The following SOX5 variants were observed in gnomAD, a reference collection of about 807,000 sequenced individuals.
SOX5 encodes transcription factor SOX-5.
SOX5 carries 9 observed loss-of-function variants against 92.0 expected under a neutral mutation model. The ratio of observed to expected loss-of-function variants is 0.10; its 90% CI spans 0.06 to 0.17. SOX5 has a LOEUF of 0.17. SOX5 is among the 10% of genes least tolerant of loss of function. The probability of loss-of-function intolerance (pLI) is 1.00; values close to 1 mark genes in which losing one functional copy is unlikely to be tolerated. For synonymous variants in SOX5, 344 were observed against 336.3 expected (o/e 1.02, Z -0.25); for missense variants, 642 against 944.5 (o/e 0.68, Z 4.20).
chr12:24,089,923 A>G (rs1381171161), intron 4 of SOX5, among the ~76,000 whole-genome samples: 2 of 152,200 alleles, frequency 1.3e-5, no homozygotes, highest in East Asian at 1.9e-4. Flanking sequence ...TCCAATTATT[A>G]CACTTATCTC....
At chr12:24,403,076 G>C (rs1596323760) in intron 1 of SOX5, among the ~76,000 whole-genome samples, 1 of 152,258 alleles carries the variant, frequency 6.6e-6, no homozygotes, top group East Asian at 1.9e-4. Flanking sequence ...TGTTATTCAA[G>C]ACATGCTACA....
chr12:24,141,664 A>C lies in SOX5; in HGVS notation c.-2+71679T>G, dbSNP rs563818225. 2.0e-5 allele frequency among the ~76,000 whole-genome samples: 3 copies of C among 152,250 alleles called. No individual in the cohort carries two copies. In the South Asian group the frequency reaches 6.2e-4, roughly 32 times the overall value. On this transcript the variant is annotated intron_variant, in intron 4 of 4. Coordinates refer to the SOX5 transcript ENST00000446891. ...CTTGCACTAGTGGATCCTAATACAC[A>C]CAAATGAAAAGATTTCCCTCTCAAA...
chr12:23,947,883 C>G (rs1304343667), intron 1 of SOX5, among the ~76,000 whole-genome samples: 2 of 151,960 alleles, frequency 1.3e-5, no homozygotes, highest in Non-Finnish European at 2.9e-5. Context: ...ATGTAACTAC[C>G]TTTTTATAAG....
intron 4 of SOX5, among the ~76,000 whole-genome samples, chr12:24,067,521 T>C (rs534529325): frequency 1.5e-4 from 23 of 152,190 alleles, no homozygotes; most frequent in African/African-American, 4.6e-4. Flanking sequence ...TTGCAGATAA[T>C]AGGAAGATGA....
At chr12:24,367,655 T>C (rs1183336805) in intron 2 of SOX5, among the ~76,000 whole-genome samples, 1 of 152,148 alleles carries the variant, frequency 6.6e-6, no homozygotes, top group East Asian at 1.9e-4. Flanking sequence ...TAAAATCATA[T>C]TGCCAAGAAA....
At position 23,861,156 on chromosome 12, in the gene SOX5, G is replaced by A. The variant is rs559509888; in HGVS notation, c.271-14963C>T. Among the ~76,000 whole-genome samples, 5 of 152,080 alleles carry A rather than the reference G, an allele frequency of 3.3e-5. No homozygotes were observed. The South Asian group carries it at 1.0e-3, about 32-fold the overall frequency. On this transcript the variant is annotated intron_variant, in intron 2 of 14. Transcript: ENST00000451604. ...AAAACTAAGGGATAAAATGAGAAAC[G>A]GAAGCAACTTTCCCTTAGTGACAAT...
intron 4 of SOX5, among the ~76,000 whole-genome samples, chr12:24,048,518 C>T (rs947093941): frequency 5.9e-5 from 9 of 151,928 alleles, no homozygotes; most frequent in East Asian, 1.9e-4. Flanking sequence ...AAATATATGT[C>T]GACACAAAAA....
chr12:23,673,040 G>A (rs1358283255), intron 6 of SOX5, among the ~76,000 whole-genome samples: 2 of 151,980 alleles, frequency 1.3e-5, no homozygotes, highest in African/African-American at 4.8e-5. Context: ...TTGACTTCAG[G>A]TATAATCTCC....
At chr12:23,951,581 A>T (rs1945642247), upstream of SOX5, among the ~76,000 whole-genome samples, 1 of 152,314 alleles carries the variant, frequency 6.6e-6, no homozygotes, top group African/African-American at 2.4e-5. Context: ...CAAAGCTTAT[A>T]AATTTTTAGA....
At chr12:24,010,796 C>T (rs150444114) in intron 4 of SOX5, among the ~76,000 whole-genome samples, 1 of 151,888 alleles carries the variant, frequency 6.6e-6, no homozygotes, top group African/African-American at 2.4e-5. Flanking sequence ...AAAATTAGCC[C>T]GGTGTAGTGG....
intron 4 of SOX5, among the ~76,000 whole-genome samples, chr12:23,995,641 T>C (rs1455587401): frequency 1.3e-5 from 2 of 152,178 alleles, no homozygotes; most frequent in African/African-American, 4.8e-5. Flanking sequence ...GAGGTCATAG[T>C]GAGCTACGAT....
rs181066937 is a variant in SOX5, at chr12:24,351,704, C to G, written c.-174+16859G>C. Among the ~76,000 whole-genome samples, 304 of 152,234 alleles carry G rather than the reference C, an allele frequency of 2.0e-3. 1 individual carries two copies. In the Middle Eastern group the frequency reaches 0.02, roughly 10 times the overall value. On this transcript the variant is annotated intron_variant, in intron 2 of 4. Transcript: ENST00000446891. Reference sequence around the variant, plus strand: ...TAATGATTAGTTATTGGAGGGAAAACCATTACATGAATACAATGGAGAGTC... The same window carrying G: ...TAATGATTAGTTATTGGAGGGAAAAGCATTACATGAATACAATGGAGAGTC...
Position 23,829,255 on chromosome 12 carries a change from G to A in SOX5, c.481+16728C>T, listed in dbSNP as rs55650335. Among the ~76,000 whole-genome samples the A allele has an allele frequency of 3.0e-3, 450 of 152,182 alleles. 3 individuals are homozygous for A. The highest frequency in any genetic ancestry group is 9.0e-3 in the African/African-American group (373 of 41,538). ...AGGTCTGATTAATTTTAATATGCAC[G>A]GTCCTGACAAGTGCCTCAAGGGTAA... is the stretch of plus-strand genomic sequence containing the variant. On this transcript the variant is annotated intron_variant, in intron 3 of 14. Coordinates refer to ENST00000451604, the MANE Select transcript of SOX5 (RefSeq NM_006940.6).
chr12:24,226,720 C>T (rs553742063), intron 3 of SOX5, among the ~76,000 whole-genome samples: 12 of 152,326 alleles, frequency 7.9e-5, no homozygotes, highest in African/African-American at 2.9e-4. Context: ...ATCCACCCGC[C>T]TTGGCCTCTC....
intron 2 of SOX5, among the ~76,000 whole-genome samples, chr12:23,880,421 T>C (rs758281227): frequency 2.0e-5 from 3 of 152,174 alleles, no homozygotes; most frequent in Non-Finnish European, 4.4e-5. Flanking sequence ...ACATATTGGA[T>C]TTTGATTGTT....
intron 2 of SOX5, among the ~76,000 whole-genome samples, chr12:24,354,794 C>T (rs1431330249): frequency 1.3e-5 from 2 of 152,130 alleles, no homozygotes; most frequent in South Asian, 2.1e-4. Context: ...TTCAGTTTGG[C>T]CGCAGATAAT....
intron 1 of SOX5, among the ~76,000 whole-genome samples, chr12:24,527,341 G>T (rs749441421): frequency 1.3e-5 from 2 of 152,136 alleles, no homozygotes; most frequent in African/African-American, 2.4e-5. Flanking sequence ...GGAGAAAGAA[G>T]ACAAATAAAG....
intron 6 of SOX5, among the ~76,000 whole-genome samples, chr12:23,696,622 A>G (rs898347710): frequency 6.6e-6 from 1 of 151,938 alleles, no homozygotes; most frequent in African/African-American, 2.4e-5. Flanking sequence ...CTTAATTTTT[A>G]CCTTTGGGTT....
intron 6 of SOX5, among the ~76,000 whole-genome samples, chr12:23,685,569 G>A (rs1053721026): frequency 6.6e-6 from 1 of 151,938 alleles, no homozygotes; most frequent in Non-Finnish European, 1.5e-5. Context: ...AAGTATGTTA[G>A]TCTAGTAAGA....
Sources: gnomAD v4.1 joint callset for allele counts (sites outside exome capture counted in the v4.1 genomes callset) on GRCh38, gnomAD v4.1.1 for gene constraint, MANE v1.5 for transcripts, NCBI Gene and HGNC (gene_info 2026-07-23, HGNC 2026-07-21) for gene names.